Variants in DCPH1 observed in about 807,000 individuals in gnomAD.
DCPH1 encodes the protein damage control phosphatase 1, also known as damage-control phosphatase 1.
the DCPH1 span, among the ~76,000 whole-genome samples, chr6:151,461,532 A>G: frequency 2.0e-5 from 3 of 152,240 alleles, no homozygotes; most frequent in South Asian, 4.1e-4. Flanking sequence ...TTAGTCAGGC[A>G]TGGTAATGGG....
At chr6:151,467,203 A>G in the DCPH1 span, among the ~76,000 whole-genome samples, 22 of 151,828 alleles carry the variant, frequency 1.4e-4, no homozygotes, top group Non-Finnish European at 2.5e-4. Context: ...GTGAGCCAAG[A>G]TCGCACCACC....
At chr6:151,468,267 C>T in the DCPH1 span, 1 of 947,068 alleles carries the variant, frequency 1.1e-6, no homozygotes, top group Non-Finnish European at 1.6e-6. Flanking sequence ...AGCAATGTCC[C>T]CCCATCCCGC....
At chr6:151,468,479 TGCTTA>T in the DCPH1 span, 1 of 1,613,752 alleles carries the variant, frequency 6.2e-7, no homozygotes, top group Non-Finnish European at 8.5e-7. Flanking sequence ...CTTTGGTCAT[TGCTTA>T]GCAATTGCAA....
the DCPH1 span, chr6:151,458,591 A>C: frequency 1.3e-6 from 2 of 1,564,334 alleles, no homozygotes; most frequent in South Asian, 2.4e-5. Flanking sequence ...GTAATCATCA[A>C]CTATCAAATG....
chr6:151,453,890 T>A, the DCPH1 span, among the ~76,000 whole-genome samples: 2 of 152,236 alleles, frequency 1.3e-5, no homozygotes. Context: ...CCAGCTTGCT[T>A]CATTCTTGAA....
At chr6:151,459,641 A>G in the DCPH1 span, among the ~76,000 whole-genome samples, 1 of 151,976 alleles carries the variant, frequency 6.6e-6, no homozygotes, top group Non-Finnish European at 1.5e-5. Context: ...AAAATATATA[A>G]TTACCCAGGT....
the DCPH1 span, among the ~76,000 whole-genome samples, chr6:151,459,753 G>A: frequency 1.3e-5 from 2 of 152,012 alleles, no homozygotes; most frequent in African/African-American, 4.8e-5. Context: ...TTACACCACC[G>A]CACTCCAGCC....
At chr6:151,454,557 A>AT in the DCPH1 span, 1 of 1,463,752 alleles carries the variant, frequency 6.8e-7, no homozygotes, top group Non-Finnish European at 9.5e-7. Context: ...GATCATTTGC[A>AT]TATCTTACAA....
At chr6:151,454,738 T>A in the DCPH1 span, 1 of 666,162 alleles carries the variant, frequency 1.5e-6, no homozygotes, top group Non-Finnish European at 2.6e-6. Context: ...AATTTTCCTT[T>A]AAATGTAAAA....
At chr6:151,464,984 G>A in the DCPH1 span, among the ~76,000 whole-genome samples, 3 of 152,152 alleles carry the variant, frequency 2.0e-5, no homozygotes, top group East Asian at 3.8e-4. Flanking sequence ...TGGACCTGAG[G>A]CCTGTCACTT....
chr6:151,468,171 C>A, the DCPH1 span, among the ~76,000 whole-genome samples: 1 of 152,146 alleles, frequency 6.6e-6, no homozygotes, highest in African/African-American at 2.4e-5. Context: ...AATACAGCAT[C>A]ATGTGAAATA....
the DCPH1 span, chr6:151,469,417 G>A: frequency 4.2e-6 from 1 of 236,892 alleles, no homozygotes; most frequent in Non-Finnish European, 8.0e-6. Context: ...TAATTGGCTA[G>A]GGAGCAAAAA....
At chr6:151,464,561 AACTATTG>A in the DCPH1 span, 1 of 1,612,074 alleles carries the variant, frequency 6.2e-7, no homozygotes, top group Non-Finnish European at 8.5e-7. Flanking sequence ...AATTGATAAG[AACTATTG>A]AAGACCTAGA....
the DCPH1 span, chr6:151,454,667 T>C: frequency 2.1e-5 from 27 of 1,277,380 alleles, no homozygotes; most frequent in Non-Finnish European, 2.2e-6. Flanking sequence ...AGAATTGTTT[T>C]AACTTTTAAT....
chr6:151,466,613 GAC>G, the DCPH1 span, among the ~76,000 whole-genome samples: 3 of 152,116 alleles, frequency 2.0e-5, no homozygotes, highest in Admixed American at 1.3e-4. Context: ...TCCCACTGTC[GAC>G]ACACACATTT....
At chr6:151,454,702 C>A in the DCPH1 span, 1 of 899,550 alleles carries the variant, frequency 1.1e-6, no homozygotes, top group Non-Finnish European at 1.8e-6. Context: ...TCAACAGAAA[C>A]ATAATAAATA....
chr6:151,469,333 A>T, the DCPH1 span: 1 of 396,048 alleles, frequency 2.5e-6, no homozygotes. Context: ...AGATATTTAC[A>T]TTTATATTGG....
At chr6:151,455,826 T>C in the DCPH1 span, among the ~76,000 whole-genome samples, 1 of 152,264 alleles carries the variant, frequency 6.6e-6, no homozygotes, top group Non-Finnish European at 1.5e-5. Context: ...GACTATCACA[T>C]GGGGAGAAAC....
At chr6:151,453,395 C>T in the DCPH1 span, among the ~76,000 whole-genome samples, 2 of 152,206 alleles carry the variant, frequency 1.3e-5, no homozygotes, top group Non-Finnish European at 2.9e-5. Context: ...TACCTACTGC[C>T]TGGGAAAATT....
Sources: allele counts gnomAD v4.1 joint callset (sites outside exome capture counted in the v4.1 genomes callset), GRCh38; gene constraint gnomAD v4.1.1; transcripts MANE v1.5; gene names NCBI Gene and HGNC (gene_info 2026-07-23, HGNC 2026-07-21).